PLAT: variants seen among roughly 807,000 people sequenced by gnomAD.
The protein encoded by PLAT is plasminogen activator, tissue type.
In PLAT, 48 loss-of-function variants were observed where a neutral mutation model predicts 74.9. That is an observed-to-expected ratio of 0.64 (90% confidence interval 0.51 to 0.82). PLAT has a LOEUF of 0.82. Ranked by LOEUF, PLAT falls within the 40% of genes least tolerant of loss-of-function variation. The pLI is 0.00. For missense variants in PLAT, 673 were observed against 736.2 expected, an observed-to-expected ratio of 0.91 and a Z score of 0.99; for synonymous variants, 307 against 294.4, an observed-to-expected ratio of 1.04 and a Z score of -0.44.
chr8:42,178,579 GT>G (rs1805071964), intron 13 of PLAT, among the ~76,000 whole-genome samples: 1 of 152,182 alleles, frequency 6.6e-6, no homozygotes, highest in African/African-American at 2.4e-5. Flanking sequence ...TGAGGCAAAC[GT>G]TTCTTAATTG....
chr8:42,176,493 C>T (rs8178803), intron 13 of PLAT, among the ~76,000 whole-genome samples: 2,932 of 152,308 alleles, frequency 0.019, 89 homozygotes, highest in African/African-American at 0.067. Context: ...GGGCTGGTCC[C>T]GCCTGGCGCC....
intron 2 of PLAT, among the ~76,000 whole-genome samples, chr8:42,192,482 CTA>C (rs1805725125): frequency 6.6e-6 from 1 of 152,184 alleles, no homozygotes. Context: ...CTGCAGTGAG[CTA>C]TGATTGTGCC....
At chr8:42,195,608 C>T (rs1290935375) in intron 1 of PLAT, 1 of 152,236 alleles carries the variant, frequency 6.6e-6, no homozygotes, top group Non-Finnish European at 1.5e-5. Flanking sequence ...CCACCCAGAA[C>T]AGGAGTGCGG....
chr8:42,184,903 A>G (rs1256306284), intron 7 of PLAT, 178 bp downstream of exon 7: 6 of 475,664 alleles, frequency 1.3e-5, no homozygotes, highest in African/African-American at 1.2e-4. Flanking sequence ...ACAAATAGCC[A>G]GTCAGAGGCC....
rs8178683 is a variant in PLAT, at chr8:42,203,742, G to A, written c.-27+3752C>T. Among the ~76,000 whole-genome samples, 153 of 152,204 alleles carry A rather than the reference G, an allele frequency of 1.0e-3. 1 individual carries two copies. The highest frequency in any genetic ancestry group is 3.4e-3 in the African/African-American group (142 of 41,512). On this transcript the variant is annotated intron_variant, in intron 1 of 13. Transcript: ENST00000220809. ...CATTTTGTGAGGCCATGGCAAGAGG[G>A]TTGCTTGAGGCCAGGAGTTTGAGAC...
At chr8:42,182,506 C>T (rs1805289234) in intron 8 of PLAT, 2 of 467,922 alleles carry the variant, frequency 4.3e-6, no homozygotes, top group East Asian at 7.3e-5. Context: ...GGCCAGGACC[C>T]TTAACTTGGG....
chr8:42,189,122 G>A, intron 3 of PLAT, 51 bp from the exon 4 acceptor site: 1 of 1,590,968 alleles, frequency 6.3e-7, no homozygotes, highest in Admixed American at 1.7e-5. Context: ...AAAATGAAAT[G>A]CCTCACTACC....
chr8:42,184,264 A>C (rs1805365127), intron 7 of PLAT, among the ~76,000 whole-genome samples: 1 of 151,942 alleles, frequency 6.6e-6, no homozygotes, highest in Non-Finnish European at 1.5e-5. Context: ...GAACTTAAAA[A>C]AAATCTTTCA....
At position 42,205,262 on chromosome 8, in the gene PLAT, C is replaced by T. The variant is rs140665631; in HGVS notation, c.-27+2232G>A. On this transcript the variant is annotated intron_variant, in intron 1 of 13. Coordinates refer to ENST00000220809, the MANE Select transcript of PLAT (RefSeq NM_000930.5). ...AAGATTCAGGCCAGGCATGTTGGCT[C>T]ATGCCTGTAATCCCAGCACTTCGGG... Among the ~76,000 whole-genome samples, 460 of 152,342 alleles carry T rather than the reference C, an allele frequency of 3.0e-3. 2 individuals are homozygous for T. Among genetic ancestry groups the T allele is most frequent in the African/African-American group, 0.01 (434 of 41,582 alleles).
At chr8:42,200,068 A>G (rs986333035) in intron 1 of PLAT, among the ~76,000 whole-genome samples, 14 of 152,200 alleles carry the variant, frequency 9.2e-5, no homozygotes, top group Admixed American at 8.5e-4. Flanking sequence ...CCTTAGGTGA[A>G]AGTGACATTA....
Position 42,182,893 on chromosome 8 carries a change from A to G in PLAT, c.632-3T>C, listed in dbSNP as rs1378849795. On this transcript the variant is annotated splice_polypyrimidine_tract_variant and splice_region_variant and intron_variant, in intron 7 of 13. Coordinates refer to ENST00000220809, the MANE Select transcript of PLAT (RefSeq NM_000930.5). ...CCCAAAGTAGCAGTCACTGTTTCCT[A>G]GAAGAAAAGAATTCTCAAACTGAAA... 4 of 1,605,796 alleles carry G rather than the reference A, an allele frequency of 2.5e-6. No individual in the cohort carries two copies. Among genetic ancestry groups the G allele is most frequent in the East Asian group, 2.2e-5 (1 of 44,818 alleles).
chr8:42,178,373 C>T (rs559089937), intron 13 of PLAT, among the ~76,000 whole-genome samples: 11 of 150,980 alleles, frequency 7.3e-5, no homozygotes, highest in African/African-American at 2.7e-4. Flanking sequence ...CGGGTTCAAG[C>T]GATTCTCCTG....
Position 42,181,887 on chromosome 8 carries a change from G to A in PLAT, c.889+50C>T, listed in dbSNP as rs1184956361. 2.8e-6 allele frequency: 3 copies of A among 1,074,902 alleles called. No homozygotes were observed. The African/African-American group carries it at 4.7e-5, about 17-fold the overall frequency. The allele number at this position is 1,074,902 out of a possible 1,614,324, so 66.6% of individuals were successfully genotyped here. A position where few individuals can be genotyped will look rare whatever the true frequency, so the allele number is the denominator to read the frequency against. ...AGGCCTAGAAAGTGGCGAGGAGATG[G>A]TGAAGAAGGGAGACCAGGTGCAGGG... On this transcript the variant is annotated intron_variant, in intron 9 of 13. Transcript: ENST00000220809.
chr8:42,177,212 C>T (rs1168573156), intron 13 of PLAT, among the ~76,000 whole-genome samples: 1 of 152,244 alleles, frequency 6.6e-6, no homozygotes, highest in Non-Finnish European at 1.5e-5. Flanking sequence ...CTTCCTCAGC[C>T]TCTCAAAGTG....
intron 1 of PLAT, among the ~76,000 whole-genome samples, chr8:42,201,920 C>T (rs567466473): frequency 6.6e-6 from 1 of 152,364 alleles, no homozygotes; most frequent in African/African-American, 2.4e-5. Flanking sequence ...TAGACACCGG[C>T]TCTTGCTACA....
chr8:42,188,314 G>A (rs1805562097), intron 4 of PLAT: 1 of 319,686 alleles, frequency 3.1e-6, no homozygotes. Context: ...TATGTGCCAG[G>A]CGCTGTTGTA....
rs1049225430 is a variant in PLAT at position 42,187,426 on chromosome 8, G to T, written c.511C>A (p.Leu171Met). ...YSGRRPDAIR[L>M]GLGNHNYCRN... ...CAGTAGTTGTGGTTCCCCAGGCCCAGCCTGATGGCGTCTGGCCTCCGCCCG... is the reference window on the plus strand; with the variant it reads ...CAGTAGTTGTGGTTCCCCAGGCCCATCCTGATGGCGTCTGGCCTCCGCCCG... The change falls in exon 6 of 14, where the codon CTG becomes ATG. Residue 171 changes from leucine to methionine, a missense_variant. By Grantham distance (15) the Leu-to-Met change is conservative (BLOSUM62 2). Transcript: ENST00000220809. 2.5e-6 allele frequency: 4 copies of T among 1,597,302 alleles called. No homozygotes were observed. The highest frequency in any genetic ancestry group is 3.4e-6 in the Non-Finnish European group (4 of 1,176,444).
chr8:42,195,229 C>T (rs933490423), intron 1 of PLAT, among the ~76,000 whole-genome samples: 2 of 152,050 alleles, frequency 1.3e-5, no homozygotes, highest in Admixed American at 1.3e-4. Flanking sequence ...AACGAACTCC[C>T]CCGTGGGAGG....
chr8:42,176,186 AAAAGC>A, intron 13 of PLAT, 35 bp from the exon 14 acceptor site: 1 of 1,574,896 alleles, frequency 6.3e-7, no homozygotes, highest in Non-Finnish European at 8.7e-7. Context: ...CGTTTGCAAA[AAAAGC>A]AGACTATCTG....
Sources: allele counts gnomAD v4.1 joint callset (sites outside exome capture counted in the v4.1 genomes callset), GRCh38; gene constraint gnomAD v4.1.1; transcripts MANE v1.5; gene names NCBI Gene and HGNC (gene_info 2026-07-23, HGNC 2026-07-21).